Variants in FAM13C observed in about 807,000 individuals in gnomAD.
FAM13C encodes protein FAM13C.
In FAM13C, 37 loss-of-function variants were observed where a neutral mutation model predicts 73.2. The ratio of observed to expected loss-of-function variants is 0.51; its 90% CI spans 0.39 to 0.67. The LOEUF (loss-of-function observed/expected upper bound fraction) is 0.67, where lower values mean the gene tolerates loss of function less well. FAM13C is among the 30% of genes least tolerant of loss of function. The pLI is 0.00. For synonymous variants in FAM13C, 246 were observed against 260.9 expected (o/e 0.94, Z 0.55); for missense variants, 589 against 715.6 (o/e 0.82, Z 2.02).
chr10:59,325,628 T>C (rs1482622776), intron 3 of FAM13C, among the ~76,000 whole-genome samples: 3 of 152,178 alleles, frequency 2.0e-5, no homozygotes, highest in African/African-American at 7.2e-5. Flanking sequence ...GCTCAGTGTA[T>C]GACCTTGGCC....
At chr10:59,319,118 CAT>C (rs1202011449) in intron 4 of FAM13C, among the ~76,000 whole-genome samples, 3 of 134,088 alleles carry the variant, frequency 2.2e-5, no homozygotes, top group East Asian at 2.1e-4. Context: ...CACACACACA[CAT>C]TGTCTATCTC....
rs572639730 is a variant in FAM13C at position 59,346,137 on chromosome 10, T to C, written c.324+6133A>G. Among the ~76,000 whole-genome samples, 46 of 152,242 alleles carry C rather than the reference T, an allele frequency of 3.0e-4. 1 individual carries two copies. In the East Asian group the frequency reaches 8.7e-3, roughly 29 times the overall value. ...AGTTGCTCACTGGATCAGTAATACATCAAGAAAAAAATGCATATAAAGTAC... is the reference window on the plus strand; with the variant it reads ...AGTTGCTCACTGGATCAGTAATACACCAAGAAAAAAATGCATATAAAGTAC... On this transcript the variant is annotated intron_variant, in intron 3 of 13. Transcript: ENST00000618804.
At chr10:59,259,082 A>G (rs1291382996) in intron 10 of FAM13C, among the ~76,000 whole-genome samples, 1 of 152,194 alleles carries the variant, frequency 6.6e-6, no homozygotes, top group Non-Finnish European at 1.5e-5. Context: ...AGTTCAGCTC[A>G]GGGGATGATT....
chr10:59,305,409 G>T (rs889198390), intron 4 of FAM13C, among the ~76,000 whole-genome samples: 14 of 152,010 alleles, frequency 9.2e-5, no homozygotes, highest in Non-Finnish European at 1.9e-4. Flanking sequence ...TTATAAAAAG[G>T]CCAGTTATCT....
At chr10:59,263,652 A>T (rs1002600366) in intron 9 of FAM13C, among the ~76,000 whole-genome samples, 3 of 152,090 alleles carry the variant, frequency 2.0e-5, no homozygotes, top group Non-Finnish European at 2.9e-5. Flanking sequence ...ACGGCAGGAG[A>T]ACCACATTCT....
chr10:59,282,490 G>A (rs1845043154), intron 6 of FAM13C: 1 of 152,064 alleles, frequency 6.6e-6, no homozygotes, highest in South Asian at 2.1e-4. Context: ...TTCAACAGGA[G>A]TATCTAAAAT....
At position 59,247,257 on chromosome 10, in the gene FAM13C, T is replaced by C. The variant is rs1446099556; in HGVS notation, c.*357A>G. The C allele has an allele frequency of 5.3e-6, 1 of 190,172 alleles. No homozygotes were observed. The highest frequency in any genetic ancestry group is 1.1e-5 in the Non-Finnish European group (1 of 94,298). 11.8% of individuals were successfully genotyped at this position (190,172 alleles called of 1,614,324 possible). A position where few individuals can be genotyped will look rare whatever the true frequency, so the allele number is the denominator to read the frequency against. ...TCATGCTCTTTTCCATACATCAACA[T>C]AAACAGTCTTTGGATACTAAATAAA... On this transcript the variant is annotated 3_prime_UTR_variant, in exon 14 of 14. Transcript: ENST00000618804.
At chr10:59,252,290 A>G (rs922898611) in intron 12 of FAM13C, among the ~76,000 whole-genome samples, 1 of 152,176 alleles carries the variant, frequency 6.6e-6, no homozygotes, top group African/African-American at 2.4e-5. Context: ...GAAATTATAC[A>G]TGGGCATTTT....
At chr10:59,264,760 G>A (rs538152226) in intron 8 of FAM13C, among the ~76,000 whole-genome samples, 7 of 152,058 alleles carry the variant, frequency 4.6e-5, no homozygotes, top group Non-Finnish European at 8.8e-5. Context: ...GGGGATACAC[G>A]GATTTCTAAT....
chr10:59,350,825 T>C (rs1250965814), intron 3 of FAM13C, among the ~76,000 whole-genome samples: 2 of 152,196 alleles, frequency 1.3e-5, no homozygotes, highest in African/African-American at 2.4e-5. Context: ...TAAACAGGAC[T>C]GGGCTTAAAA....
chr10:59,247,769 A>C lies in FAM13C; in HGVS notation c.1635-32T>G, dbSNP rs764313763. 37 of 1,597,208 alleles carry C rather than the reference A, an allele frequency of 2.3e-5. No homozygotes were observed. The South Asian group carries it at 4.0e-4, about 17-fold the overall frequency. On this transcript the variant is annotated intron_variant, in intron 13 of 13. Coordinates refer to ENST00000618804, the MANE Select transcript of FAM13C (RefSeq NM_198215.4). The stretch of plus-strand genomic sequence containing the variant: ...AACAAAAATACATTTGTTAGTTCAC[A>C]ATGAATCAAGTCATTATTTAAACAT...
At chr10:59,293,807 C>A (rs1846574781) in intron 5 of FAM13C, among the ~76,000 whole-genome samples, 1 of 152,158 alleles carries the variant, frequency 6.6e-6, no homozygotes, top group Admixed American at 6.5e-5. Flanking sequence ...TTTCACCTCA[C>A]CCCTGTACCA....
intron 3 of FAM13C, among the ~76,000 whole-genome samples, chr10:59,333,958 C>G (rs1006756161): frequency 1.3e-5 from 2 of 152,160 alleles, no homozygotes; most frequent in Non-Finnish European, 2.9e-5. Flanking sequence ...AAATGTGGAA[C>G]AGTTAACAAA....
chr10:59,339,526 TC>T (rs1720518001), intron 3 of FAM13C, among the ~76,000 whole-genome samples: 1 of 152,118 alleles, frequency 6.6e-6, no homozygotes, highest in African/African-American at 2.4e-5. Context: ...CATTCTCCCA[TC>T]CTTTCCACAT....
At chr10:59,318,183 G>A (rs1849766869) in intron 4 of FAM13C, among the ~76,000 whole-genome samples, 1 of 151,924 alleles carries the variant, frequency 6.6e-6, no homozygotes, top group South Asian at 2.1e-4. Flanking sequence ...TTTTGAATGA[G>A]AGAATGTTTC....
chr10:59,337,900 G>A (rs1235429541), intron 3 of FAM13C, among the ~76,000 whole-genome samples: 2 of 151,652 alleles, frequency 1.3e-5, no homozygotes, highest in Non-Finnish European at 2.9e-5. Flanking sequence ...GCCTGGTCTC[G>A]AATTCCTGAC....
intron 1 of FAM13C, chr10:59,361,125 C>T (rs1222035569): frequency 1.6e-6 from 2 of 1,286,472 alleles, no homozygotes; most frequent in Admixed American, 2.3e-5. Context: ...AGAAAAGCAA[C>T]ATTGCAGCAC....
At chr10:59,254,520 C>G in intron 10 of FAM13C, 77 bp from the exon 11 acceptor site, 1 of 737,726 alleles carries the variant, frequency 1.4e-6, no homozygotes, top group East Asian at 2.9e-5. Context: ...AGACAAAAAG[C>G]CTCAAAGTAA....
At chr10:59,317,155 T>C (rs1310273705) in intron 4 of FAM13C, among the ~76,000 whole-genome samples, 1 of 146,424 alleles carries the variant, frequency 6.8e-6, no homozygotes, top group Non-Finnish European at 1.5e-5. Flanking sequence ...TGTGTGTGTG[T>C]AGTATTTAAT....
Sources: allele counts gnomAD v4.1 joint callset (sites outside exome capture counted in the v4.1 genomes callset), GRCh38; gene constraint gnomAD v4.1.1; transcripts MANE v1.5; gene names NCBI Gene and HGNC (gene_info 2026-07-23, HGNC 2026-07-21).